Variants in ARMC2 observed in about 807,000 individuals in gnomAD.
ARMC2 encodes armadillo repeat-containing protein 2.
Under a neutral mutation model 90.3 loss-of-function variants are expected in ARMC2, and 67 were observed. The ratio of observed to expected loss-of-function variants is 0.74; its 90% CI spans 0.61 to 0.91. ARMC2 has a LOEUF of 0.91. Among genes scored for constraint, ARMC2 ranks in the 40% least tolerant of loss-of-function variants. ARMC2 has a pLI of 0.00. For synonymous variants in ARMC2, 393 were observed against 393.0 expected (o/e 1.00, Z 0.00); for missense variants, 920 against 1,030.9 (o/e 0.89, Z 1.47).
chr6:108,909,851 C>T (rs1773232486), intron 8 of ARMC2, among the ~76,000 whole-genome samples: 1 of 152,110 alleles, frequency 6.6e-6, no homozygotes, highest in East Asian at 1.9e-4. Context: ...TAATTTTCAA[C>T]TTTAGATGTT....
chr6:108,879,051 A>T (rs1246847221), intron 5 of ARMC2, among the ~76,000 whole-genome samples: 1 of 150,916 alleles, frequency 6.6e-6, no homozygotes, highest in Non-Finnish European at 1.5e-5. Flanking sequence ...TCATCCACTC[A>T]TCTGCCCATC....
intron 10 of ARMC2, among the ~76,000 whole-genome samples, chr6:108,917,471 A>G (rs1430187706): frequency 6.6e-6 from 1 of 152,142 alleles, no homozygotes. Flanking sequence ...AGGAAAGTGT[A>G]TGGAACAAAG....
chr6:108,955,415 C>A (rs1158190471), intron 13 of ARMC2, among the ~76,000 whole-genome samples: 1 of 152,196 alleles, frequency 6.6e-6, no homozygotes, highest in African/African-American at 2.4e-5. Flanking sequence ...ATTTTCATAT[C>A]TGTTACCTCA....
Position 108,894,583 on chromosome 6 carries a change from C to T in ARMC2, c.748+40C>T, listed in dbSNP as rs372199328. On this transcript the variant is annotated intron_variant, in intron 6 of 17. Coordinates refer to ENST00000392644, the MANE Select transcript of ARMC2 (RefSeq NM_032131.6). ...CACTCCTTCATCTACAGCATCTCCACTTGAAGGAAAGATGTTTGCACTGAA... is the reference window on the plus strand; with the variant it reads ...CACTCCTTCATCTACAGCATCTCCATTTGAAGGAAAGATGTTTGCACTGAA... 1.6e-5 allele frequency: 24 copies of T among 1,529,562 alleles called. No individual in the cohort carries two copies. In the African/African-American group the frequency reaches 3.0e-4, roughly 19 times the overall value. The allele number at this position is 1,529,562 out of a possible 1,614,324, so 94.7% of individuals were successfully genotyped here. A position where few individuals can be genotyped will look rare whatever the true frequency, so the allele number is the denominator to read the frequency against.
At chr6:108,906,322 C>T (rs932385356) in intron 8 of ARMC2, among the ~76,000 whole-genome samples, 1 of 152,076 alleles carries the variant, frequency 6.6e-6, no homozygotes, top group Non-Finnish European at 1.5e-5. Context: ...ATACCAATTA[C>T]CAACTGTGAT....
intron 13 of ARMC2, among the ~76,000 whole-genome samples, chr6:108,960,106 A>G (rs1315957726): frequency 6.6e-6 from 1 of 152,190 alleles, no homozygotes; most frequent in Non-Finnish European, 1.5e-5. Context: ...GAAGCACCTC[A>G]GCATATCTTA....
intron 5 of ARMC2, among the ~76,000 whole-genome samples, chr6:108,892,819 AG>A (rs2128456116): frequency 6.6e-6 from 1 of 151,546 alleles, no homozygotes; most frequent in South Asian, 2.1e-4. Context: ...TGGTATTTGG[AG>A]AAGCTAATCT....
the ARMC2 span, among the ~76,000 whole-genome samples, chr6:109,046,360 C>T: frequency 7.8e-4 from 118 of 151,926 alleles, no homozygotes; most frequent in African/African-American, 2.7e-3. Flanking sequence ...GCCGGGATTG[C>T]AGACGGAGTC....
chr6:109,022,537 C>A, the ARMC2 span, among the ~76,000 whole-genome samples: 1,403 of 150,092 alleles, frequency 9.3e-3, 23 homozygotes, highest in African/African-American at 0.033. Context: ...ATTCTCCTGC[C>A]TCAGCCTCCT....
chr6:109,009,520 G>A, the ARMC2 span: 1 of 1,188,640 alleles, frequency 8.4e-7, no homozygotes, highest in Non-Finnish European at 1.0e-6. Flanking sequence ...GCCGGCCGCG[G>A]CTCCTGGCTG....
intron 5 of ARMC2, among the ~76,000 whole-genome samples, chr6:108,889,795 A>G (rs1770770484): frequency 6.6e-6 from 1 of 151,632 alleles, no homozygotes. Flanking sequence ...TCTCCCACTC[A>G]CTAATCACTT....
downstream of ARMC2, among the ~76,000 whole-genome samples, chr6:108,977,405 T>G (rs1779003440): frequency 6.6e-6 from 1 of 152,218 alleles, no homozygotes; most frequent in Non-Finnish European, 1.5e-5. Flanking sequence ...CTTGTCAGTA[T>G]TTTATTGAGG....
At chr6:108,925,725 T>C (rs1481412615) in intron 10 of ARMC2, among the ~76,000 whole-genome samples, 11 of 152,220 alleles carry the variant, frequency 7.2e-5, no homozygotes, top group Admixed American at 6.5e-4. Flanking sequence ...GTGTCATCTA[T>C]TGAGCTATTG....
chr6:108,891,805 T>G (rs1771061588), intron 5 of ARMC2, among the ~76,000 whole-genome samples: 1 of 152,234 alleles, frequency 6.6e-6, no homozygotes, highest in African/African-American at 2.4e-5. Flanking sequence ...GTTGTTTTAG[T>G]CATGAAGTCT....
intron 17 of ARMC2, among the ~76,000 whole-genome samples, chr6:108,966,650 GT>G (rs1778395437): frequency 6.6e-6 from 1 of 151,818 alleles, no homozygotes; most frequent in African/African-American, 2.4e-5. Context: ...AATCATTGAG[GT>G]TCACAGTCGG....
rs376342840 is a variant in ARMC2, at chr6:108,859,792, G to T, written c.291+1521G>T. On this transcript the variant is annotated intron_variant, in intron 3 of 17. Transcript: ENST00000392644. ...GACCCAGGCAGGCAGATCACCTGGGGTCCGGAGTTCGAGACCATCCTGACC... is the reference window on the plus strand; with the variant it reads ...GACCCAGGCAGGCAGATCACCTGGGTTCCGGAGTTCGAGACCATCCTGACC... Among the ~76,000 whole-genome samples, 3 of 152,068 alleles carry T rather than the reference G, an allele frequency of 2.0e-5. No individual in the cohort carries two copies. The East Asian group carries it at 5.8e-4, about 29-fold the overall frequency.
At position 108,912,498 on chromosome 6, in the gene ARMC2, A is replaced by G. The variant is rs758515848; in HGVS notation, c.1290A>G (p.Ile430Met). ...VEILINLIKQ[I>M]NENIKKCGTF... ...TACTGATAAATTTGATAAAACAAAT[A>G]AATGAGAACATCAAGAAATGTGGTA... The change falls in exon 10 of 18, where the codon ATA (isoleucine) becomes ATG (methionine). Residue 430 changes from isoleucine (I) to methionine (M), a missense_variant. Ile to Met is a conservative substitution (Grantham distance 10). Transcript: ENST00000392644. 1.5e-5 allele frequency: 24 copies of G among 1,614,062 alleles called. No individual in the cohort carries two copies. The highest frequency in any genetic ancestry group is 1.9e-5 in the Non-Finnish European group (23 of 1,179,888).
At position 108,890,219 on chromosome 6, in the gene ARMC2, A is replaced by AC. The variant is rs1583025475; in HGVS notation, c.672-4248_672-4247insC. Among the ~76,000 whole-genome samples, 8 of 105,844 alleles carry AC rather than the reference A, an allele frequency of 7.6e-5. 1 individual carries two copies. The East Asian group carries it at 1.4e-3, about 18-fold the overall frequency. The allele number at this position is 105,844 out of a possible 152,430, so 69.4% of individuals were successfully genotyped here. A position where few individuals can be genotyped will look rare whatever the true frequency, so the allele number is the denominator to read the frequency against. On this transcript the variant is annotated intron_variant, in intron 5 of 17. Transcript: ENST00000392644. ...AAAAAAAAAAAAAAAAAAAAAAAAAAAAAAAAAAAACAGTGGTTTCTTAGT... is the reference window on the plus strand; with the variant it reads ...AAAAAAAAAAAAAAAAAAAAAAAAAACAAAAAAAAAACAGTGGTTTCTTAGT...
chr6:108,904,203 G>A lies in ARMC2; in HGVS notation c.848-27G>A, dbSNP rs189948384. ...GGAAACTTAACCTTAATTAGTAAGTGTTGCTTTACTCTCTTTGCTCTGACA... is the reference window on the plus strand; with the variant it reads ...GGAAACTTAACCTTAATTAGTAAGTATTGCTTTACTCTCTTTGCTCTGACA... On this transcript the variant is annotated intron_variant, in intron 7 of 17. Coordinates refer to ENST00000392644, the MANE Select transcript of ARMC2 (RefSeq NM_032131.6). The A allele has an allele frequency of 3.1e-6, 5 of 1,609,200 alleles. No homozygotes were observed. The East Asian group carries it at 1.1e-4, about 36-fold the overall frequency.
Sources: allele counts gnomAD v4.1 joint callset (sites outside exome capture counted in the v4.1 genomes callset), GRCh38; gene constraint gnomAD v4.1.1; transcripts MANE v1.5; gene names NCBI Gene and HGNC (gene_info 2026-07-23, HGNC 2026-07-21).